Variants in GSK3B observed in about 807,000 individuals in gnomAD.
GSK3B encodes glycogen synthase kinase-3 beta.
A neutral mutation model predicts 56.4 loss-of-function variants in GSK3B; 15 were observed. That is an observed-to-expected ratio of 0.27 (90% CI 0.18 to 0.41). The LOEUF is 0.41. GSK3B is among the 10% of genes least tolerant of loss of function. The pLI, the probability that GSK3B is intolerant of heterozygous loss-of-function variation, is 1.00. For synonymous variants in GSK3B, 181 were observed against 188.9 expected, an observed-to-expected ratio of 0.96 and a Z score of 0.34; for missense variants, 300 against 513.4, an observed-to-expected ratio of 0.58 and a Z score of 4.02.
intron 7 of GSK3B, among the ~76,000 whole-genome samples, chr3:119,892,212 G>A (rs1383455598): frequency 1.3e-5 from 2 of 152,076 alleles, no homozygotes; most frequent in African/African-American, 2.4e-5. Context: ...TCGCTACTCC[G>A]CTTAAAATCC....
chr3:119,962,098 G>A (rs1655723495), intron 2 of GSK3B, among the ~76,000 whole-genome samples: 1 of 152,142 alleles, frequency 6.6e-6, no homozygotes. Flanking sequence ...CATAACTGCT[G>A]GGCATGGTGG....
intron 10 of GSK3B, among the ~76,000 whole-genome samples, chr3:119,837,017 T>C (rs1460702552): frequency 6.6e-6 from 1 of 152,244 alleles, no homozygotes; most frequent in African/African-American, 2.4e-5. Context: ...GTCATTAGTA[T>C]GGAGGGCAAG....
chr3:119,831,529 C>T (rs1263242809), intron 10 of GSK3B, among the ~76,000 whole-genome samples: 8 of 151,466 alleles, frequency 5.3e-5, no homozygotes, highest in African/African-American at 1.7e-4. Context: ...TAGTGGCGGG[C>T]GCCTGTAGTC....
intron 1 of GSK3B, among the ~76,000 whole-genome samples, chr3:120,016,779 G>A (rs909836843): frequency 1.3e-5 from 2 of 152,064 alleles, no homozygotes; most frequent in African/African-American, 4.8e-5. Context: ...TCAGAAACAT[G>A]CTAATTTTCA....
At chr3:119,832,887 A>C (rs1002101007) in intron 10 of GSK3B, 1 of 623,686 alleles carries the variant, frequency 1.6e-6, no homozygotes, top group Non-Finnish European at 2.0e-6. Flanking sequence ...GTAAATTTTC[A>C]TATGTAAAAT....
intron 7 of GSK3B, among the ~76,000 whole-genome samples, chr3:119,887,910 G>C (rs1020696954): frequency 2.0e-5 from 3 of 151,962 alleles, no homozygotes; most frequent in Non-Finnish European, 4.4e-5. Flanking sequence ...CTTCTTAACA[G>C]AAACAATGAA....
At chr3:119,999,420 G>GTA (rs1403002952) in intron 2 of GSK3B, among the ~76,000 whole-genome samples, 1 of 152,122 alleles carries the variant, frequency 6.6e-6, no homozygotes, top group Admixed American at 6.6e-5. Flanking sequence ...AAATTTCTTT[G>GTA]TACTTAGGTT....
At position 120,047,137 on chromosome 3, in the gene GSK3B, A is replaced by G. The variant is rs537740966; in HGVS notation, c.89-44898T>C. The stretch of plus-strand genomic sequence containing the variant: ...ATCTTAAACCTTTTCACGATAGGCA[A>G]ACAGAATTTTCATTATTTTCAATGT... On this transcript the variant is annotated intron_variant, in intron 1 of 10. Transcript: ENST00000264235. Among the ~76,000 whole-genome samples, 81 of 152,308 alleles carry G rather than the reference A, an allele frequency of 5.3e-4. 2 individuals carry two copies. The South Asian group carries it at 0.015, about 29-fold the overall frequency.
At chr3:120,013,240 G>A (rs1226558268) in intron 1 of GSK3B, among the ~76,000 whole-genome samples, 1 of 152,168 alleles carries the variant, frequency 6.6e-6, no homozygotes, top group Non-Finnish European at 1.5e-5. Context: ...TAAATATTTC[G>A]TAGGTAGGTG....
intron 1 of GSK3B, among the ~76,000 whole-genome samples, chr3:120,019,645 A>G (rs2057856141): frequency 6.6e-6 from 1 of 152,236 alleles, no homozygotes; most frequent in African/African-American, 2.4e-5. Context: ...GTAAGCAAAA[A>G]GATAGCATTT....
chr3:120,050,668 C>T (rs1043402689), intron 1 of GSK3B, among the ~76,000 whole-genome samples: 1 of 152,068 alleles, frequency 6.6e-6, no homozygotes. Context: ...AGGTTTCATT[C>T]TGTTTAGGGG....
At chr3:119,852,263 A>C (rs1179040908) in intron 9 of GSK3B, among the ~76,000 whole-genome samples, 1 of 152,186 alleles carries the variant, frequency 6.6e-6, no homozygotes, top group African/African-American at 2.4e-5. Context: ...ACTACATTAT[A>C]GTACAGGTGT....
chr3:120,006,384 G>A (rs2057728169), intron 1 of GSK3B, among the ~76,000 whole-genome samples: 1 of 152,100 alleles, frequency 6.6e-6, no homozygotes, highest in Non-Finnish European at 1.5e-5. Flanking sequence ...GGATACTCAG[G>A]ACTTGAACTC....
intron 10 of GSK3B, among the ~76,000 whole-genome samples, chr3:119,830,297 T>TG (rs1469641129): frequency 7.6e-4 from 115 of 152,290 alleles, no homozygotes; most frequent in African/African-American, 2.5e-3. Flanking sequence ...TTTTTAGAAA[T>TG]AACTCAAGAA....
chr3:120,000,758 G>A (rs2057667724), intron 2 of GSK3B, among the ~76,000 whole-genome samples: 1 of 138,630 alleles, frequency 7.2e-6, no homozygotes, highest in East Asian at 2.1e-4. Flanking sequence ...TACATGACGA[G>A]AACTGAATTT....
Position 120,002,033 on chromosome 3 carries a change from C to G in GSK3B, c.282+13G>C, listed in dbSNP as rs200266025. ...CGACAGCAACAAAATATATGAAATA[C>G]TGGACATTTTACCTTAAATCTCTTG... On this transcript the variant is annotated intron_variant, in intron 2 of 10. Coordinates refer to ENST00000264235, the MANE Select transcript of GSK3B (RefSeq NM_001146156.2). The G allele has an allele frequency of 2.0e-6, 3 of 1,531,878 alleles. No homozygotes were observed. The highest frequency in any genetic ancestry group is 1.8e-6 in the Non-Finnish European group (2 of 1,129,614). 94.9% of individuals were successfully genotyped at this position (1,531,878 alleles called of 1,614,324 possible).
At chr3:120,034,108 GTTC>G (rs3031826) in intron 1 of GSK3B, among the ~76,000 whole-genome samples, 36,606 of 151,896 alleles carry the variant, frequency 0.24, 4,835 homozygotes, top group East Asian at 0.48. Context: ...AACTGTAAGA[GTTC>G]TTCTTGTATT....
chr3:120,022,531 T>C (rs1029595126), intron 1 of GSK3B, among the ~76,000 whole-genome samples: 3 of 151,948 alleles, frequency 2.0e-5, no homozygotes, highest in African/African-American at 4.8e-5. Flanking sequence ...CTCTAAAAAC[T>C]TGCTTAACAC....
chr3:120,034,578 A>G (rs2058006876), intron 1 of GSK3B, among the ~76,000 whole-genome samples: 1 of 152,184 alleles, frequency 6.6e-6, no homozygotes, highest in South Asian at 2.1e-4. Context: ...TACTCCATGA[A>G]TCTATATCCA....
Sources: gnomAD v4.1 joint callset for allele counts (sites outside exome capture counted in the v4.1 genomes callset) on GRCh38, gnomAD v4.1.1 for gene constraint, MANE v1.5 for transcripts, NCBI Gene and HGNC (gene_info 2026-07-23, HGNC 2026-07-21) for gene names.